Variants in TOX observed in about 807,000 individuals in gnomAD.
TOX encodes thymocyte selection associated high mobility group box, also known as thymocyte selection-associated high mobility group box protein TOX.
TOX carries 11 observed loss-of-function variants against 53.7 expected under a neutral mutation model. The ratio of observed to expected loss-of-function variants is 0.20; its 90% confidence interval spans 0.13 to 0.34. The LOEUF is 0.34. Ranked by LOEUF, TOX falls within the 10% of genes least tolerant of loss-of-function variation. The pLI is 1.00. For synonymous variants in TOX, 225 were observed against 245.3 expected, an observed-to-expected ratio of 0.92 and a Z score of 0.77; for missense variants, 570 against 664.6, an observed-to-expected ratio of 0.86 and a Z score of 1.56.
intron 1 of TOX, among the ~76,000 whole-genome samples, chr8:59,022,565 C>T (rs1218414948): frequency 1.3e-5 from 2 of 152,206 alleles, no homozygotes; most frequent in African/African-American, 2.4e-5. Flanking sequence ...TGCCTCGATA[C>T]ATGCATAAAT....
chr8:58,830,771 A>T (rs952804263), intron 5 of TOX, among the ~76,000 whole-genome samples: 1 of 152,174 alleles, frequency 6.6e-6, no homozygotes, highest in Non-Finnish European at 1.5e-5. Context: ...TCTGGATTCT[A>T]TCCAAAAACT....
chr8:58,890,728 A>G (rs1209224344), intron 3 of TOX, among the ~76,000 whole-genome samples: 1 of 151,988 alleles, frequency 6.6e-6, no homozygotes, highest in Non-Finnish European at 1.5e-5. Flanking sequence ...CTAGCAGAAA[A>G]CCCTGGACGG....
intron 1 of TOX, among the ~76,000 whole-genome samples, chr8:59,079,934 CTTAA>C (rs1804369970): frequency 6.6e-6 from 1 of 151,976 alleles, no homozygotes; most frequent in African/African-American, 2.4e-5. Context: ...CCACCAAAGG[CTTAA>C]TTAACATCAC....
At chr8:58,935,781 T>A (rs1812333119) in intron 3 of TOX, among the ~76,000 whole-genome samples, 1 of 152,076 alleles carries the variant, frequency 6.6e-6, no homozygotes, top group South Asian at 2.1e-4. Flanking sequence ...TAGCAAAGAG[T>A]TTTAGTAAGT....
intron 6 of TOX, among the ~76,000 whole-genome samples, chr8:58,826,280 C>A (rs1810365082): frequency 6.6e-6 from 1 of 152,164 alleles, no homozygotes; most frequent in South Asian, 2.1e-4. Flanking sequence ...GGAATTGTAT[C>A]TTTAATAACA....
intron 3 of TOX, among the ~76,000 whole-genome samples, chr8:58,910,496 C>A (rs947154014): frequency 6.6e-6 from 1 of 152,154 alleles, no homozygotes; most frequent in African/African-American, 2.4e-5. Flanking sequence ...CAATGTTCAA[C>A]CGGCCATGTA....
At chr8:59,014,343 C>A (rs897046575) in intron 1 of TOX, among the ~76,000 whole-genome samples, 3 of 152,204 alleles carry the variant, frequency 2.0e-5, no homozygotes, top group African/African-American at 7.2e-5. Flanking sequence ...TGGACGCCTC[C>A]TCGTAAAATT....
In TOX at chr8:58,939,506, G is replaced by A. The variant is rs1030816001; in HGVS notation, c.207C>T (p.Asn69=). 1 of 1,614,032 alleles carries A rather than the reference G, an allele frequency of 6.2e-7. No individual in the cohort carries two copies. The highest frequency in any genetic ancestry group is 8.5e-7 in the Non-Finnish European group (1 of 1,180,012). Residue 69 remains asparagine, a synonymous_variant, in exon 3 of 9, where the codon AAC becomes AAT. Transcript: ENST00000361421. ...GGGAAGGAGGAGTAATTGGTGGAAT[G>A]TTGAAGTCTTCACTTTCCAGGCTTG... ...PGPSLESEDF[N]IPPITPPSLP...
intron 1 of TOX, among the ~76,000 whole-genome samples, chr8:58,965,899 T>G (rs967345140): frequency 7.2e-6 from 1 of 139,766 alleles, no homozygotes. Flanking sequence ...TCATCGTTTT[T>G]TTTTTTTTTT....
At chr8:58,897,664 T>C (rs1811674479) in intron 3 of TOX, among the ~76,000 whole-genome samples, 4 of 151,722 alleles carry the variant, frequency 2.6e-5, no homozygotes, top group Admixed American at 2.6e-4. Flanking sequence ...CACTTTTTCA[T>C]AGATGGCTGT....
At chr8:58,882,789 T>C (rs921312568) in intron 3 of TOX, among the ~76,000 whole-genome samples, 2 of 152,208 alleles carry the variant, frequency 1.3e-5, no homozygotes, top group African/African-American at 2.4e-5. Context: ...GGAGATGTTG[T>C]AGGACATATG....
chr8:58,925,034 A>G (rs1030155215), intron 3 of TOX, among the ~76,000 whole-genome samples: 4 of 152,230 alleles, frequency 2.6e-5, no homozygotes, highest in Admixed American at 1.3e-4. Flanking sequence ...GCACATGGAG[A>G]TGCACCTCGT....
chr8:58,858,454 G>A (rs1161729889), intron 3 of TOX, among the ~76,000 whole-genome samples: 1 of 152,224 alleles, frequency 6.6e-6, no homozygotes, highest in African/African-American at 2.4e-5. Context: ...GGCTGGCTCT[G>A]CTCTGATCCA....
chr8:59,025,589 C>T lies in TOX; in HGVS notation c.103-65581G>A, dbSNP rs117906189. Among the ~76,000 whole-genome samples, 20 of 152,242 alleles carry T rather than the reference C, an allele frequency of 1.3e-4. No homozygotes were observed. In the East Asian group the frequency reaches 3.9e-3, roughly 29 times the overall value. On this transcript the variant is annotated intron_variant, in intron 1 of 8. Coordinates refer to ENST00000361421, the MANE Select transcript of TOX (RefSeq NM_014729.3). ...TGATAAATGCCACATTTTAAACACA[C>T]CTACTGATCACACCGCTGGCGAACA...
At chr8:59,066,178 C>T (rs1804090122) in intron 1 of TOX, among the ~76,000 whole-genome samples, 1 of 152,192 alleles carries the variant, frequency 6.6e-6, no homozygotes, top group Non-Finnish European at 1.5e-5. Flanking sequence ...CATTAAATGG[C>T]ATAGTTGTGC....
At chr8:59,005,911 A>G (rs1467612713) in intron 1 of TOX, among the ~76,000 whole-genome samples, 3 of 152,122 alleles carry the variant, frequency 2.0e-5, no homozygotes, top group Non-Finnish European at 4.4e-5. Context: ...TTCTTTCTCA[A>G]ATCTTTTTAT....
In TOX at chr8:59,010,589, G is replaced by A. The variant is rs1813886256; in HGVS notation, c.103-50581C>T. The stretch of plus-strand genomic sequence containing the variant: ...ACCCTAGATGTATCACCTGATCATT[G>A]TATGAGATTATAAAAGCCATTTAAC... On this transcript the variant is annotated intron_variant, in intron 1 of 8. Transcript: ENST00000361421. Among the ~76,000 whole-genome samples the A allele has an allele frequency of 3.9e-5, 6 of 152,244 alleles. No homozygotes were observed. The South Asian group carries it at 1.2e-3, about 32-fold the overall frequency.
intron 1 of TOX, among the ~76,000 whole-genome samples, chr8:59,013,302 G>A (rs1235858851): frequency 6.6e-6 from 1 of 152,090 alleles, no homozygotes; most frequent in African/African-American, 2.4e-5. Flanking sequence ...CATCAATAAT[G>A]TAACATATTC....
At chr8:58,877,984 G>C (rs1811314444) in intron 3 of TOX, among the ~76,000 whole-genome samples, 1 of 152,168 alleles carries the variant, frequency 6.6e-6, no homozygotes, top group East Asian at 1.9e-4. Flanking sequence ...GGGGAGCACA[G>C]TGACAGAATC....
Sources: gnomAD v4.1 joint callset for allele counts (sites outside exome capture counted in the v4.1 genomes callset) on GRCh38, gnomAD v4.1.1 for gene constraint, MANE v1.5 for transcripts, NCBI Gene and HGNC (gene_info 2026-07-23, HGNC 2026-07-21) for gene names.